The following ROBO2 variants were observed in gnomAD, a reference collection of about 807,000 sequenced individuals.
ROBO2 encodes roundabout homolog 2.
In ROBO2, 53 loss-of-function variants were observed where a neutral mutation model predicts 160.8. The observed-to-expected ratio is 0.33, with a 90% CI of 0.26 to 0.41. ROBO2 has a LOEUF of 0.41. Ranked by LOEUF, ROBO2 falls within the 10% of genes least tolerant of loss-of-function variation. The pLI, the probability that ROBO2 is intolerant of heterozygous loss-of-function variation, is 1.00. For synonymous variants in ROBO2, 664 were observed against 611.7 expected (o/e 1.09, Z -1.26); for missense variants, 1,577 against 1,722.4 (o/e 0.92, Z 1.49).
At chr3:76,488,304 C>A (rs2079611148) in intron 2 of ROBO2, among the ~76,000 whole-genome samples, 1 of 152,130 alleles carries the variant, frequency 6.6e-6, no homozygotes, top group Admixed American at 6.6e-5. Context: ...TGGCTTTCTT[C>A]CACGCCCATT....
intron 18 of ROBO2, among the ~76,000 whole-genome samples, chr3:77,595,756 G>A (rs2153687982): frequency 6.6e-6 from 1 of 152,276 alleles, no homozygotes; most frequent in East Asian, 1.9e-4. Flanking sequence ...TTAGCAAAAA[G>A]AGATTAAGTC....
At chr3:76,310,345 G>C (rs2071520084) in intron 2 of ROBO2, among the ~76,000 whole-genome samples, 1 of 152,100 alleles carries the variant, frequency 6.6e-6, no homozygotes, top group South Asian at 2.1e-4. Context: ...GTTCCAGAAA[G>C]CCTTGGCCGT....
At chr3:77,416,156 G>A (rs2077199253) in intron 2 of ROBO2, among the ~76,000 whole-genome samples, 1 of 152,188 alleles carries the variant, frequency 6.6e-6, no homozygotes, top group Non-Finnish European at 1.5e-5. Flanking sequence ...CCAAGTTGGT[G>A]GCCCTTTGTG....
chr3:76,394,080 A>G (rs553622768), intron 2 of ROBO2, among the ~76,000 whole-genome samples: 105 of 152,256 alleles, frequency 6.9e-4, no homozygotes, highest in African/African-American at 2.3e-3. Flanking sequence ...CTCTTTAGCC[A>G]ATTTGCCAGT....
At chr3:76,118,958 A>G (rs564499981) in intron 2 of ROBO2, among the ~76,000 whole-genome samples, 20 of 152,278 alleles carry the variant, frequency 1.3e-4, no homozygotes, top group African/African-American at 4.8e-4. Context: ...TATGTTAGCA[A>G]TGTTTTTCTT....
At chr3:76,151,750 CAA>C (rs1237840323) in intron 2 of ROBO2, among the ~76,000 whole-genome samples, 2 of 152,116 alleles carry the variant, frequency 1.3e-5, no homozygotes, top group African/African-American at 4.8e-5. Context: ...TTACTGAACT[CAA>C]GAGAGGGGAC....
At chr3:77,416,798 G>T (rs1406599088) in intron 2 of ROBO2, among the ~76,000 whole-genome samples, 1 of 151,834 alleles carries the variant, frequency 6.6e-6, no homozygotes, top group Non-Finnish European at 1.5e-5. Flanking sequence ...TGAAAGGAGG[G>T]AGTACATCTC....
intron 2 of ROBO2, among the ~76,000 whole-genome samples, chr3:76,423,767 G>C (rs897029819): frequency 1.3e-5 from 2 of 152,206 alleles, no homozygotes; most frequent in Admixed American, 1.3e-4. Context: ...TTGAGAACTG[G>C]AGTTCATGGA....
intron 2 of ROBO2, among the ~76,000 whole-genome samples, chr3:75,962,129 A>G (rs1948938581): frequency 6.6e-6 from 1 of 151,658 alleles, no homozygotes; most frequent in African/African-American, 2.4e-5. Flanking sequence ...GAAGTTTCTA[A>G]TAATTCTGGA....
intron 2 of ROBO2, among the ~76,000 whole-genome samples, chr3:76,651,929 T>C (rs2091275112): frequency 6.6e-6 from 1 of 152,106 alleles, no homozygotes; most frequent in South Asian, 2.1e-4. Flanking sequence ...TACCTCCCCT[T>C]CCTTGCTAGG....
At chr3:76,278,618 A>G (rs1708065806) in intron 2 of ROBO2, among the ~76,000 whole-genome samples, 1 of 151,988 alleles carries the variant, frequency 6.6e-6, no homozygotes, top group East Asian at 1.9e-4. Context: ...TATTTTTAAA[A>G]GATATTTCCC....
intron 2 of ROBO2, among the ~76,000 whole-genome samples, chr3:76,657,253 G>A (rs375636701): frequency 6.6e-6 from 1 of 150,984 alleles, no homozygotes; most frequent in Non-Finnish European, 1.5e-5. Context: ...GTGAAACCCC[G>A]TCACTACTAA....
Position 76,031,868 on chromosome 3 carries a change from T to C in ROBO2, c.109+94266T>C, listed in dbSNP as rs187477511. On this transcript the variant is annotated intron_variant, in intron 2 of 26. Coordinates refer to the ROBO2 transcript ENST00000487694. Reference sequence around the variant, plus strand: ...CTGCCAGGCTTTGGTATCAGGATGATACTGGCCTCATAAAATGAGTTAGGG... The same window carrying C: ...CTGCCAGGCTTTGGTATCAGGATGACACTGGCCTCATAAAATGAGTTAGGG... Among the ~76,000 whole-genome samples the C allele has an allele frequency of 9.2e-5, 14 of 152,330 alleles. No homozygotes were observed. The East Asian group carries it at 2.5e-3, about 27-fold the overall frequency.
intron 2 of ROBO2, among the ~76,000 whole-genome samples, chr3:77,326,738 A>G (rs923334076): frequency 1.3e-5 from 2 of 152,196 alleles, no homozygotes; most frequent in Non-Finnish European, 2.9e-5. Context: ...ATTGAAGGAG[A>G]TAATCCCTCT....
At chr3:77,244,963 T>TTTA (rs1553866689) in intron 2 of ROBO2, among the ~76,000 whole-genome samples, 1 of 150,926 alleles carries the variant, frequency 6.6e-6, no homozygotes, top group East Asian at 1.9e-4. Flanking sequence ...TTTTTTTTTT[T>TTTA]ATCAAAAAAG....
intron 2 of ROBO2, among the ~76,000 whole-genome samples, chr3:76,998,944 G>T (rs1350384792): frequency 6.6e-6 from 1 of 152,078 alleles, no homozygotes; most frequent in African/African-American, 2.4e-5. Context: ...GACCCAGCAA[G>T]GCTTCAACTT....
intron 2 of ROBO2, among the ~76,000 whole-genome samples, chr3:76,153,483 G>A (rs933092023): frequency 2.0e-5 from 3 of 152,104 alleles, no homozygotes; most frequent in Non-Finnish European, 2.9e-5. Context: ...TGGTCTTTTT[G>A]TTTTGGAGAT....
At chr3:76,356,013 A>C (rs2075141613) in intron 2 of ROBO2, among the ~76,000 whole-genome samples, 1 of 151,782 alleles carries the variant, frequency 6.6e-6, no homozygotes. Flanking sequence ...AGAAGGCCTC[A>C]AGAAAACAGA....
chr3:76,580,754 T>C (rs1223614972), intron 2 of ROBO2, among the ~76,000 whole-genome samples: 1 of 152,154 alleles, frequency 6.6e-6, no homozygotes, highest in African/African-American at 2.4e-5. Flanking sequence ...CACCAATTTG[T>C]TTGATAATAT....
Sources: allele counts gnomAD v4.1 joint callset (sites outside exome capture counted in the v4.1 genomes callset), GRCh38; gene constraint gnomAD v4.1.1; transcripts MANE v1.5; gene names NCBI Gene and HGNC (gene_info 2026-07-23, HGNC 2026-07-21).